The following NRP2 variants were observed in gnomAD, a reference collection of about 807,000 sequenced individuals.
NRP2 encodes neuropilin 2.
In NRP2, 52 loss-of-function variants were observed where a neutral mutation model predicts 110.4. The ratio of observed to expected loss-of-function variants is 0.47; its 90% CI spans 0.38 to 0.59. NRP2 has a LOEUF of 0.59. NRP2 is among the 20% of genes least tolerant of loss of function. NRP2 has a pLI of 0.00. For synonymous variants in NRP2, 508 were observed against 468.9 expected (o/e 1.08, Z -1.08); for missense variants, 1,049 against 1,203.0 (o/e 0.87, Z 1.89).
At chr2:205,755,992 A>G (rs899365027) in intron 12 of NRP2, among the ~76,000 whole-genome samples, 3 of 151,634 alleles carry the variant, frequency 2.0e-5, no homozygotes, top group Non-Finnish European at 4.4e-5. Flanking sequence ...TGATTTCATT[A>G]TTTTCTCATA....
At chr2:205,737,300 A>G (rs1321472285) in intron 7 of NRP2, among the ~76,000 whole-genome samples, 1 of 152,228 alleles carries the variant, frequency 6.6e-6, no homozygotes, top group Non-Finnish European at 1.5e-5. Flanking sequence ...CCCTGTTGCA[A>G]AATGGACACT....
intron 7 of NRP2, among the ~76,000 whole-genome samples, chr2:205,738,281 C>T (rs574471454): frequency 6.6e-6 from 1 of 152,290 alleles, no homozygotes; most frequent in African/African-American, 2.4e-5. Flanking sequence ...CACACAGTCC[C>T]CATCACCATC....
intron 7 of NRP2, among the ~76,000 whole-genome samples, chr2:205,729,985 G>A (rs1268354017): frequency 6.6e-6 from 1 of 152,082 alleles, no homozygotes; most frequent in Non-Finnish European, 1.5e-5. Flanking sequence ...AATTAGTCGT[G>A]CCCAAATAAA....
Position 205,743,794 on chromosome 2 carries a change from A to T in NRP2, c.1641+242A>T. On this transcript the variant is annotated intron_variant, in intron 9 of 16. Coordinates refer to ENST00000357785, the MANE Select transcript of NRP2 (RefSeq NM_003872.3). ...ATGGAGTCTCTGTCACCCAGGCTGG[A>T]GTGCAGTGGCCTGTTCTCGGCTCAC... 3 of 761,248 alleles carry T rather than the reference A, an allele frequency of 3.9e-6. No homozygotes were observed. The Admixed American group carries it at 9.4e-5, about 24-fold the overall frequency. 47.2% of individuals were successfully genotyped at this position (761,248 alleles called of 1,614,324 possible).
At chr2:205,789,094 G>A (rs1215645369) in intron 15 of NRP2, among the ~76,000 whole-genome samples, 1 of 152,206 alleles carries the variant, frequency 6.6e-6, no homozygotes, top group Non-Finnish European at 1.5e-5. Flanking sequence ...GGCAACCAAA[G>A]TGTGTATCCA....
At chr2:205,768,055 C>T (rs2057956393) in intron 15 of NRP2, 1 of 152,290 alleles carries the variant, frequency 6.6e-6, no homozygotes, top group Admixed American at 6.5e-5. Context: ...CACTCATCAG[C>T]TCTAAGACAG....
Position 205,763,469 on chromosome 2 carries a change from T to TA in NRP2, c.2045-204dup, listed in dbSNP as rs2057858095. On this transcript the variant is annotated intron_variant, in intron 12 of 16. Coordinates refer to ENST00000357785, the MANE Select transcript of NRP2 (RefSeq NM_003872.3). The surrounding 1 kb of genome is among the most constrained non-coding windows in gnomAD (Gnocchi z 4.0). ...ATAGGCAGGAGGGACCGATTTGACT[T>TA]AGAGACTCTTAAGAAAACACAGCAT... 6.6e-6 allele frequency among the ~76,000 whole-genome samples: 1 copy of TA among 151,830 alleles called. No individual in the cohort carries two copies. The highest frequency in any genetic ancestry group is 6.6e-5 in the Admixed American group (1 of 15,250).
intron 1 of NRP2, 38 bp downstream of exon 1, chr2:205,683,401 G>A (rs1332825198): frequency 6.7e-7 from 1 of 1,490,782 alleles, no homozygotes; most frequent in Admixed American, 1.7e-5. Flanking sequence ...TTGCAACATG[G>A]TTTCCCCTTT....
intron 1 of NRP2, among the ~76,000 whole-genome samples, chr2:205,692,376 G>T (rs757715065): frequency 1.3e-5 from 2 of 152,164 alleles, no homozygotes; most frequent in Non-Finnish European, 2.9e-5. Context: ...GGCTGAAGTT[G>T]CTTTGAATAA....
chr2:205,726,868 C>T (rs1481751579), intron 6 of NRP2, among the ~76,000 whole-genome samples: 1 of 152,160 alleles, frequency 6.6e-6, no homozygotes, highest in Non-Finnish European at 1.5e-5. Flanking sequence ...AAGCAGACAA[C>T]AGGAAAGGGA....
At chr2:205,758,841 T>A (rs923106117) in intron 12 of NRP2, among the ~76,000 whole-genome samples, 2 of 152,200 alleles carry the variant, frequency 1.3e-5, no homozygotes, top group African/African-American at 4.8e-5. Flanking sequence ...TCTTAGCTGG[T>A]CAGTTGTCAC....
In NRP2 at chr2:205,716,364, C is replaced by T; in HGVS notation, c.423C>T (p.Ile141=). 1 of 1,613,996 alleles carries T rather than the reference C, an allele frequency of 6.2e-7. No individual in the cohort carries two copies. The highest frequency in any genetic ancestry group is 8.5e-7 in the Non-Finnish European group (1 of 1,180,038). The change falls in exon 3 of 17, where the codon ATC becomes ATT. Residue 141 remains isoleucine, a synonymous_variant. Transcript: ENST00000357785. ...CAGGCTTCTCTCTGCGCTACGAGAT[C>T]TTCAAGACAGGTCAGTGTGGTCACA... is the stretch of plus-strand genomic sequence containing the variant. ...QGAGFSLRYE[I]FKTGSEDCSK... is the part of the protein sequence containing the mutation.
chr2:205,782,241 AG>A (rs1303170037), intron 15 of NRP2, among the ~76,000 whole-genome samples: 1 of 152,108 alleles, frequency 6.6e-6, no homozygotes, highest in Non-Finnish European at 1.5e-5. Context: ...AGCCCCAAAA[AG>A]CTAAAGTCCC....
At position 205,705,487 on chromosome 2, in the gene NRP2, G is replaced by A. The variant is rs555810238; in HGVS notation, c.251+7766G>A. On this transcript the variant is annotated intron_variant, in intron 2 of 16. Coordinates refer to ENST00000357785, the MANE Select transcript of NRP2 (RefSeq NM_003872.3). ...CATGACTTTTTTTATGCCTCTTTTCGAGCTTTGTAGCCAAGCATCTTGGCA... is the reference window on the plus strand; with the variant it reads ...CATGACTTTTTTTATGCCTCTTTTCAAGCTTTGTAGCCAAGCATCTTGGCA... Among the ~76,000 whole-genome samples, 183 of 152,318 alleles carry A rather than the reference G, an allele frequency of 1.2e-3. 1 individual carries two copies. Among genetic ancestry groups the A allele is most frequent in the Non-Finnish European group, 2.3e-3 (154 of 68,030 alleles).
chr2:205,691,347 G>C (rs2056311871), intron 1 of NRP2, among the ~76,000 whole-genome samples: 1 of 152,206 alleles, frequency 6.6e-6, no homozygotes. Flanking sequence ...GAGAGAGTAG[G>C]TGGGATTTAG....
At chr2:205,691,348 T>A (rs2056311936) in intron 1 of NRP2, among the ~76,000 whole-genome samples, 1 of 151,798 alleles carries the variant, frequency 6.6e-6, no homozygotes, top group Admixed American at 6.6e-5. Context: ...AGAGAGTAGG[T>A]GGGATTTAGA....
At chr2:205,705,827 G>A (rs2056663532) in intron 2 of NRP2, among the ~76,000 whole-genome samples, 1 of 152,064 alleles carries the variant, frequency 6.6e-6, no homozygotes, top group Non-Finnish European at 1.5e-5. Context: ...GTCATCTGCT[G>A]TCCCAGTGCT....
intron 7 of NRP2, among the ~76,000 whole-genome samples, chr2:205,733,103 A>G (rs1264660332): frequency 6.6e-6 from 1 of 152,152 alleles, no homozygotes; most frequent in African/African-American, 2.4e-5. Flanking sequence ...CCAGTGCCCT[A>G]GGTAATTAAG....
chr2:205,752,653 G>T, intron 11 of NRP2, 182 bp from the exon 12 acceptor site: 1 of 645,404 alleles, frequency 1.5e-6, no homozygotes. Context: ...TGGGAAGGAT[G>T]AGACCAAAGC....
Sources: allele counts gnomAD v4.1 joint callset (sites outside exome capture counted in the v4.1 genomes callset), GRCh38; gene constraint gnomAD v4.1.1; non-coding constraint Gnocchi (gnomAD v3.1); transcripts MANE v1.5; gene names NCBI Gene and HGNC (gene_info 2026-07-23, HGNC 2026-07-21).